GAA: variants seen among roughly 807,000 people sequenced by gnomAD.
The protein encoded by GAA is lysosomal alpha-glucosidase.
In GAA, 88 loss-of-function variants were observed where a neutral mutation model predicts 103.9. The observed-to-expected ratio is 0.85, with a 90% CI of 0.71 to 1.01. GAA has a LOEUF of 1.01. GAA is among the 50% of genes least tolerant of loss of function. The pLI, the probability that GAA is intolerant of heterozygous loss-of-function variation, is 0.00. For missense variants in GAA, 1,350 were observed against 1,305.3 expected (o/e 1.03, Z -0.53); for synonymous variants, 572 against 563.1 (o/e 1.02, Z -0.22).
chr17:80,115,106 T>C (rs977876813), intron 15 of GAA, among the ~76,000 whole-genome samples: 1 of 152,158 alleles, frequency 6.6e-6, no homozygotes, highest in Non-Finnish European at 1.5e-5. Flanking sequence ...GACGTATGCA[T>C]TGATGTTTTT....
rs752233229 is a variant in GAA, at chr17:80,113,311, C to T, written c.2134C>T (p.Leu712=). ...CGCACTCCTCCCCCACCTCTACACA[C>T]TGTTCCACCAGGCCCACGTCGCGGG... ...RYALLPHLYT[L]FHQAHVAGET... Residue 712 remains leucine, a synonymous_variant, in exon 15 of 20, where the codon CTG becomes TTG. Transcript: ENST00000302262. 3.1e-6 allele frequency: 5 copies of T among 1,599,384 alleles called. No individual in the cohort carries two copies. The Admixed American group carries it at 6.9e-5, about 22-fold the overall frequency.
chr17:80,105,598 G>A, intron 2 of GAA, 151 bp from the exon 3 acceptor site: 1 of 893,028 alleles, frequency 1.1e-6, no homozygotes, highest in Non-Finnish European at 1.8e-6. Flanking sequence ...TGCAGATGAG[G>A]GAGCCGAGGC....
At chr17:80,117,272 C>T (rs191206252) in intron 16 of GAA, among the ~76,000 whole-genome samples, 163 bp downstream of exon 16, 33 of 152,310 alleles carry the variant, frequency 2.2e-4, no homozygotes, top group Admixed American at 1.8e-3. Context: ...CACCCATCAG[C>T]CTCTCCGCTC....
chr17:80,112,088 T>A lies in GAA; in HGVS notation c.1742T>A (p.Ile581Asn). Reference sequence around the variant, plus strand: ...AACCTCTACGGCCTGACCGAAGCCATCGCCTCCCACAGGTGAGGGCCACGT... The same window carrying A: ...AACCTCTACGGCCTGACCGAAGCCAACGCCTCCCACAGGTGAGGGCCACGT... ...LHNLYGLTEA[I>N]ASHRALVKAR... is the part of the protein sequence containing the mutation. Residue 581 changes from isoleucine to asparagine, a missense_variant, in exon 12 of 20, where the codon ATC becomes AAC. By Grantham distance (149) the Ile-to-Asn change is moderately radical. Coordinates refer to ENST00000302262, the MANE Select transcript of GAA (RefSeq NM_000152.5). 1 of 1,613,842 alleles carries A rather than the reference T, an allele frequency of 6.2e-7. No individual in the cohort carries two copies. The highest frequency in any genetic ancestry group is 8.5e-7 in the Non-Finnish European group (1 of 1,179,894).
chr17:80,108,477 G>A lies in GAA; in HGVS notation c.1076-12G>A, dbSNP rs375310178. On this transcript the variant is annotated splice_polypyrimidine_tract_variant and intron_variant, in intron 6 of 19. Coordinates refer to ENST00000302262, the MANE Select transcript of GAA (RefSeq NM_000152.5). ...CTCCTCCCTCCCTCATGAAGTCGGC[G>A]TTGGCCTGCAGGATACCCGTTCATG... The A allele has an allele frequency of 6.2e-6, 10 of 1,613,040 alleles. No individual in the cohort carries two copies. The highest frequency in any genetic ancestry group is 1.3e-5 in the African/African-American group (1 of 74,918).
chr17:80,103,821 G>A (rs2039008498), intron 1 of GAA, among the ~76,000 whole-genome samples: 1 of 152,154 alleles, frequency 6.6e-6, no homozygotes, highest in Admixed American at 6.5e-5. Context: ...GTCACCCTCA[G>A]CTGCGGTGCC....
chr17:80,112,119 C>T lies in GAA; in HGVS notation c.1754+19C>T. The T allele has an allele frequency of 6.2e-7, 1 of 1,600,544 alleles. No individual in the cohort carries two copies. On this transcript the variant is annotated intron_variant, in intron 12 of 19. Transcript: ENST00000302262. ...CCCACAGGTGAGGGCCACGTCCCGCCCCACTGGGCTCTGCCCTCACAGCCT... is the reference window on the plus strand; with the variant it reads ...CCCACAGGTGAGGGCCACGTCCCGCTCCACTGGGCTCTGCCCTCACAGCCT...
At chr17:80,108,913 C>T in intron 8 of GAA, 85 bp downstream of exon 8, 1 of 1,448,266 alleles carries the variant, frequency 6.9e-7, no homozygotes, top group Non-Finnish European at 9.3e-7. Flanking sequence ...CATCCTCGTG[C>T]CTGTGTGGTC....
chr17:80,105,219 A>G (rs1026039263), intron 2 of GAA, 87 bp downstream of exon 2: 8 of 1,292,522 alleles, frequency 6.2e-6, no homozygotes, highest in East Asian at 2.4e-5. Flanking sequence ...GGTGGGGTGC[A>G]TGTTGCACCA....
intron 11 of GAA, 149 bp downstream of exon 11, chr17:80,111,174 C>A (rs538008148): frequency 2.4e-6 from 2 of 825,534 alleles, no homozygotes; most frequent in Non-Finnish European, 3.9e-6. Context: ...AAGGCTCAGG[C>A]TGGGAGACTC....
intron 15 of GAA, among the ~76,000 whole-genome samples, chr17:80,115,475 ACTTTC>A (rs1290049497): frequency 6.6e-6 from 1 of 152,138 alleles, no homozygotes; most frequent in Non-Finnish European, 1.5e-5. Context: ...ATGTTCTCAC[ACTTTC>A]CTTTAGTTCT....
chr17:80,113,088 G>A (rs2039283185), intron 14 of GAA, 61 bp downstream of exon 14: 1 of 1,563,984 alleles, frequency 6.4e-7, no homozygotes, highest in Non-Finnish European at 8.6e-7. Flanking sequence ...CTCTCCCCTG[G>A]GAATCCCACC....
At chr17:80,112,406 G>A (rs1471338481) in intron 12 of GAA, 172 bp from the exon 13 acceptor site, 12 of 818,154 alleles carry the variant, frequency 1.5e-5, no homozygotes, top group Admixed American at 2.2e-5. Flanking sequence ...GCATCAGGTG[G>A]CCCAGACAGA....
In GAA at chr17:80,112,561, GT is replaced by G. The variant is rs751532846; in HGVS notation, c.1755-16del. ...CCCCGCTCCACACAGCCCTCACGGTGTCCCCCACCACCCCAGGGCGCTGGTG... is the reference window on the plus strand; with the variant it reads ...CCCCGCTCCACACAGCCCTCACGGTGCCCCCACCACCCCAGGGCGCTGGTG... On this transcript the variant is annotated splice_polypyrimidine_tract_variant and intron_variant, in intron 12 of 19. Transcript: ENST00000302262. 1 of 1,612,892 alleles carries G rather than the reference GT, an allele frequency of 6.2e-7. No individual in the cohort carries two copies. The highest frequency in any genetic ancestry group is 1.7e-5 in the Admixed American group (1 of 60,010).
In GAA at chr17:80,109,984, A is replaced by G; in HGVS notation, c.1366A>G (p.Arg456Gly). ...CAGCTCGGGCCCTGCCGGGAGCTAC[A>G]GGCCCTACGACGAGGGTCTGCGGAG... ...ISSSGPAGSY[R>G]PYDEGLRRGV... The change falls in exon 9 of 20, where the codon AGG becomes GGG. Residue 456 changes from arginine to glycine, a missense_variant. Arg to Gly is a moderately radical substitution (Grantham distance 125). Coordinates refer to ENST00000302262, the MANE Select transcript of GAA (RefSeq NM_000152.5). 4 of 1,613,316 alleles carry G rather than the reference A, an allele frequency of 2.5e-6. No homozygotes were observed. Among genetic ancestry groups the G allele is most frequent in the Non-Finnish European group, 2.5e-6 (3 of 1,179,914 alleles).
intron 11 of GAA, 49 bp downstream of exon 11, chr17:80,111,074 C>T (rs2039226918): frequency 1.3e-6 from 2 of 1,563,300 alleles, no homozygotes; most frequent in Non-Finnish European, 1.8e-6. Flanking sequence ...ATCAGAGACT[C>T]CCTTGTCTGG....
rs777538313 is a variant in GAA at position 80,110,921 on chromosome 17, C to T, written c.1552-20C>T. The T allele has an allele frequency of 3.7e-6, 6 of 1,613,846 alleles. No homozygotes were observed. The highest frequency in any genetic ancestry group is 2.2e-5 in the East Asian group (1 of 44,868). On this transcript the variant is annotated intron_variant, in intron 10 of 19. Coordinates refer to ENST00000302262, the MANE Select transcript of GAA (RefSeq NM_000152.5). ...CCTCACTCTGGGCAGAGTCACCTAC[C>T]AGCAGCGCTTCTCTTGCAGGACATG...
At position 80,113,348 on chromosome 17, in the gene GAA, C is replaced by T; in HGVS notation, c.2171C>T (p.Ala724Val). ...GCCCACGTCGCGGGGGAGACCGTGG[C>T]CCGGCCCCTCTTCCTGGAGTGAGTG... is the stretch of plus-strand genomic sequence containing the variant. Reference protein sequence around the residue: ...HQAHVAGETVARPLFLEFPKD... With the variant: ...HQAHVAGETVVRPLFLEFPKD... The change falls in exon 15 of 20, where the codon GCC (alanine) becomes GTC (valine). Residue 724 changes from alanine (A) to valine (V), a missense_variant. Physicochemically the swap from Ala to Val is moderately conservative, Grantham distance 64. Coordinates refer to ENST00000302262, the MANE Select transcript of GAA (RefSeq NM_000152.5). 1 of 1,585,628 alleles carries T rather than the reference C, an allele frequency of 6.3e-7. No individual in the cohort carries two copies. The highest frequency in any genetic ancestry group is 8.6e-7 in the Non-Finnish European group (1 of 1,164,876).
rs758334520 is a variant in GAA at position 80,108,700 on chromosome 17, G to A, written c.1198G>A (p.Val400Ile). The A allele has an allele frequency of 3.7e-5, 60 of 1,612,592 alleles. No individual in the cohort carries two copies. Among genetic ancestry groups the A allele is most frequent in the Admixed American group, 6.7e-5 (4 of 59,972 alleles). Residue 400 changes from valine to isoleucine, a missense_variant, in exon 8 of 20, where the codon GTC becomes ATC. Transcript: ENST00000302262. Reference sequence around the variant, plus strand: ...CGGTCCCGTGTTGTGGCTGCAGGACGTCCAGTGGAACGACCTGGACTACAT... The same window carrying A: ...CGGTCCCGTGTTGTGGCTGCAGGACATCCAGTGGAACGACCTGGACTACAT... ...NMTRAHFPLD[V>I]QWNDLDYMDS... is the part of the protein sequence containing the mutation.
Sources: allele counts gnomAD v4.1 joint callset (sites outside exome capture counted in the v4.1 genomes callset), GRCh38; gene constraint gnomAD v4.1.1; transcripts MANE v1.5; gene names NCBI Gene and HGNC (gene_info 2026-07-23, HGNC 2026-07-21).